E2F8: variants seen among roughly 807,000 people sequenced by gnomAD.
E2F8 encodes transcription factor E2F8.
In E2F8, 35 loss-of-function variants were observed where a neutral mutation model predicts 80.8. The ratio of observed to expected loss-of-function variants is 0.43; its 90% CI spans 0.33 to 0.57. The LOEUF (loss-of-function observed/expected upper bound fraction) is 0.57. Ranked by LOEUF, E2F8 falls within the 20% of genes least tolerant of loss-of-function variation. The pLI is 0.04. For synonymous variants in E2F8, 386 were observed against 395.0 expected (o/e 0.98, Z 0.27); for missense variants, 975 against 1,056.2 (o/e 0.92, Z 1.07).
intron 2 of E2F8, among the ~76,000 whole-genome samples, chr11:19,238,523 G>C (rs973727258): frequency 6.6e-6 from 1 of 152,218 alleles, no homozygotes; most frequent in Non-Finnish European, 1.5e-5. Flanking sequence ...AATGTTAAAT[G>C]ATCAAACTTC....
chr11:19,225,967 G>C, intron 10 of E2F8, 103 bp from the exon 11 acceptor site: 1 of 1,386,972 alleles, frequency 7.2e-7, no homozygotes, highest in Non-Finnish European at 9.8e-7. Flanking sequence ...TGCCTCATTG[G>C]ACCAAAGCCT....
rs199978195 is a variant in E2F8 at position 19,229,825 on chromosome 11, C to T, written c.1522G>A (p.Val508Met). The change falls in exon 10 of 13, where the codon GTG becomes ATG. Residue 508 changes from valine to methionine, a missense_variant. Coordinates refer to ENST00000250024, the MANE Select transcript of E2F8 (RefSeq NM_024680.4). The surrounding 1 kb of genome is among the most constrained non-coding windows in gnomAD (Gnocchi z 4.3). ...PLIPSPLSSAVPLILPQAPSG... is the reference protein window; with the variant it reads ...PLIPSPLSSAMPLILPQAPSG... The stretch of plus-strand genomic sequence containing the variant: ...GGGGCCTGAGGTAGGATCAGGGGCA[C>T]TGCTGATGACAAGGGGCTGGGGATC... The T allele has an allele frequency of 4.3e-6, 7 of 1,613,844 alleles. No individual in the cohort carries two copies. The Admixed American group carries it at 8.3e-5, about 19-fold the overall frequency.
Position 19,240,191 on chromosome 11 carries a change from T to TTC in E2F8, c.-72_-71dup. 9.5e-7 allele frequency: 1 copy of TTC among 1,058,144 alleles called. No individual in the cohort carries two copies. The allele number at this position is 1,058,144 out of a possible 1,614,324, so 65.5% of individuals were successfully genotyped here. A position where few individuals can be genotyped will look rare whatever the true frequency, so the allele number is the denominator to read the frequency against. ...GGAGTTCCTCCCCAAATCCCGATGG[T>TTC]TCAAGTAGTCCAATCAATTGTACTA... On this transcript the variant is annotated 5_prime_UTR_variant, in exon 2 of 13. Transcript: ENST00000250024.
chr11:19,237,181 A>G (rs1211974450), intron 4 of E2F8, 133 bp downstream of exon 4: 3 of 874,148 alleles, frequency 3.4e-6, no homozygotes, highest in Non-Finnish European at 5.3e-6. Flanking sequence ...AGGGCTTTAG[A>G]GATAGAAAAT....
intron 7 of E2F8, among the ~76,000 whole-genome samples, 186 bp from the exon 8 acceptor site, chr11:19,231,020 T>C (rs1445574823): frequency 6.6e-6 from 1 of 152,238 alleles, no homozygotes; most frequent in Non-Finnish European, 1.5e-5. Context: ...AGACACAATA[T>C]TTCCTACATT....
In E2F8 at chr11:19,229,024, A is replaced by G. The variant is rs2133559811; in HGVS notation, c.1893+430T>C. On this transcript the variant is annotated intron_variant, in intron 10 of 12. Coordinates refer to ENST00000250024, the MANE Select transcript of E2F8 (RefSeq NM_024680.4). The surrounding 1 kb of genome is among the most constrained non-coding windows in gnomAD (Gnocchi z 4.3). ...AGAAAGTAAAAACGGGGAGCAATTT[A>G]TCTTCTAGGCAACAGATGCCAGTTA... 6.6e-6 allele frequency among the ~76,000 whole-genome samples: 1 copy of G among 152,354 alleles called. No individual in the cohort carries two copies. Among genetic ancestry groups the G allele is most frequent in the Non-Finnish European group, 1.5e-5 (1 of 68,032 alleles).
intron 5 of E2F8, 48 bp downstream of exon 5, chr11:19,234,692 TAGAC>T: frequency 6.4e-7 from 1 of 1,565,152 alleles, no homozygotes; most frequent in Non-Finnish European, 8.6e-7. Flanking sequence ...ACCTTTTCCT[TAGAC>T]AGAGGACAAA....
chr11:19,227,249 A>G (rs1851259497), intron 10 of E2F8, among the ~76,000 whole-genome samples: 1 of 152,154 alleles, frequency 6.6e-6, no homozygotes, highest in African/African-American at 2.4e-5. Context: ...CAAGCTTTTA[A>G]TTTTGTTTCT....
rs1219143219 is a variant in E2F8 at position 19,234,804 on chromosome 11, C to T, written c.706G>A (p.Gly236Ser). The T allele has an allele frequency of 1.9e-6, 3 of 1,614,010 alleles. No homozygotes were observed. In the African/African-American group the frequency reaches 4.0e-5, roughly 22 times the overall value. Residue 236 changes from glycine to serine, a missense_variant, in exon 5 of 13, where the codon GGC becomes AGC. Coordinates refer to ENST00000250024, the MANE Select transcript of E2F8 (RefSeq NM_024680.4). Reference protein sequence around the residue: ...IEDHIIKSNTGPNGHPDMCFV... With the variant: ...IEDHIIKSNTSPNGHPDMCFV... Reference sequence around the variant, plus strand: ...CACATGTCTGGGTGTCCATTTGGGCCAGTGTTTGATTTGATGATATGATCC... The same window carrying T: ...CACATGTCTGGGTGTCCATTTGGGCTAGTGTTTGATTTGATGATATGATCC...
At chr11:19,230,432 C>T in intron 8 of E2F8, 104 bp from the exon 9 acceptor site, 1 of 1,267,658 alleles carries the variant, frequency 7.9e-7, no homozygotes, top group Admixed American at 2.3e-5. Flanking sequence ...GTGCACCTCC[C>T]CTCAAAGTTG....
chr11:19,224,630 A>G lies in E2F8; in HGVS notation c.*28T>C. 8 of 1,607,778 alleles carry G rather than the reference A, an allele frequency of 5.0e-6. No homozygotes were observed. Among genetic ancestry groups the G allele is most frequent in the Non-Finnish European group, 6.8e-6 (8 of 1,175,312 alleles). ...TTTTCTCTATTAAACAACTCTTTAGAAAATTAAACTAAGCCAACATCTGTT... is the reference window on the plus strand; with the variant it reads ...TTTTCTCTATTAAACAACTCTTTAGGAAATTAAACTAAGCCAACATCTGTT... On this transcript the variant is annotated 3_prime_UTR_variant, in exon 13 of 13. Coordinates refer to ENST00000250024, the MANE Select transcript of E2F8 (RefSeq NM_024680.4).
upstream of E2F8, chr11:19,241,436 C>A (rs984068301): frequency 4.9e-4 from 75 of 152,492 alleles, no homozygotes; most frequent in African/African-American, 1.7e-3. The surrounding 1 kb of genome is among the most constrained non-coding windows in gnomAD (Gnocchi z 4.5). Context: ...CGGGAGCCGG[C>A]GGGGGCTGAG....
chr11:19,237,611 AG>A (rs1016064498), intron 3 of E2F8, 141 bp from the exon 4 acceptor site: 2 of 1,062,400 alleles, frequency 1.9e-6, no homozygotes, highest in Non-Finnish European at 2.7e-6. Flanking sequence ...AGAAAAGGTT[AG>A]GGGGGCCAGT....
At chr11:19,240,333 GA>G in intron 1 of E2F8, 103 bp from the exon 2 acceptor site, 2 of 349,456 alleles carry the variant, frequency 5.7e-6, no homozygotes, top group Non-Finnish European at 1.1e-5. Flanking sequence ...AAAGCCTAAC[GA>G]AAAATGACAA....
intron 3 of E2F8, 49 bp downstream of exon 3, chr11:19,237,805 C>A: frequency 7.7e-6 from 12 of 1,568,312 alleles, no homozygotes; most frequent in East Asian, 4.5e-5. Flanking sequence ...AACCTCCCCC[C>A]TCCCCCCAAC....
chr11:19,232,202 T>C, intron 7 of E2F8, 32 bp downstream of exon 7: 1 of 1,607,056 alleles, frequency 6.2e-7, no homozygotes, highest in South Asian at 1.1e-5. Flanking sequence ...ACACAAATAA[T>C]AAAGCAGAGG....
In E2F8 at chr11:19,238,135, G is replaced by C; in HGVS notation, c.16-3C>G. The C allele has an allele frequency of 1.3e-6, 2 of 1,593,324 alleles. No individual in the cohort carries two copies. Among genetic ancestry groups the C allele is most frequent in the Non-Finnish European group, 1.7e-6 (2 of 1,171,846 alleles). On this transcript the variant is annotated splice_polypyrimidine_tract_variant and splice_region_variant and intron_variant, in intron 2 of 12. Transcript: ENST00000250024. ...TGTGGCTCACAAAAGAGATTTTCCTGGTTTAAAAAATGTAAATAATTAAAT... is the reference window on the plus strand; with the variant it reads ...TGTGGCTCACAAAAGAGATTTTCCTCGTTTAAAAAATGTAAATAATTAAAT...
At chr11:19,232,569 A>G (rs904342603) in intron 6 of E2F8, among the ~76,000 whole-genome samples, 198 bp from the exon 7 acceptor site, 13 of 152,130 alleles carry the variant, frequency 8.5e-5, no homozygotes, top group African/African-American at 2.9e-4. Flanking sequence ...AAAAGACTCA[A>G]TTACTGCTAG....
At chr11:19,225,986 G>T in intron 10 of E2F8, 122 bp from the exon 11 acceptor site, 1 of 1,183,656 alleles carries the variant, frequency 8.4e-7, no homozygotes, top group Non-Finnish European at 1.2e-6. Context: ...CTCCAGCGGA[G>T]TGGGCTGCAG....
Sources: allele counts gnomAD v4.1 joint callset (sites outside exome capture counted in the v4.1 genomes callset), GRCh38; gene constraint gnomAD v4.1.1; non-coding constraint Gnocchi (gnomAD v3.1); transcripts MANE v1.5; gene names NCBI Gene and HGNC (gene_info 2026-07-23, HGNC 2026-07-21).